The following PLBD1 variants were observed in gnomAD, a reference collection of about 807,000 sequenced individuals.
PLBD1 encodes lysosomal leucine aminopeptidase.
Under a neutral mutation model 63.0 loss-of-function variants are expected in PLBD1, and 60 were observed. That is an observed-to-expected ratio of 0.95 (90% CI 0.77 to 1.18). The LOEUF (loss-of-function observed/expected upper bound fraction) is 1.18, where lower values mean the gene tolerates loss of function less well. Among genes scored for constraint, PLBD1 ranks in the 50% most tolerant of loss-of-function variants. PLBD1 has a pLI of 0.00. For missense variants in PLBD1, 598 were observed against 677.9 expected (o/e 0.88, Z 1.31); for synonymous variants, 262 against 248.0 (o/e 1.06, Z -0.53).
chr12:14,526,425 G>A (rs1945415926), intron 6 of PLBD1, among the ~76,000 whole-genome samples: 1 of 152,082 alleles, frequency 6.6e-6, no homozygotes, highest in South Asian at 2.1e-4. Context: ...AGAAAGACTT[G>A]GTAATGATGG....
At chr12:14,545,139 C>T (rs1945607656) in intron 2 of PLBD1, among the ~76,000 whole-genome samples, 1 of 152,174 alleles carries the variant, frequency 6.6e-6, no homozygotes, top group African/African-American at 2.4e-5. Flanking sequence ...TTGTAAATAA[C>T]TAAACCAGCT....
chr12:14,527,097 A>C (rs1408120517), intron 6 of PLBD1, among the ~76,000 whole-genome samples: 2 of 152,192 alleles, frequency 1.3e-5, no homozygotes, highest in African/African-American at 4.8e-5. Context: ...AATTCCCCAG[A>C]TGATTCTTGG....
intron 8 of PLBD1, among the ~76,000 whole-genome samples, chr12:14,509,183 T>C (rs772753558): frequency 1.3e-5 from 2 of 152,038 alleles, no homozygotes; most frequent in Non-Finnish European, 2.9e-5. Flanking sequence ...TAGAATGCAG[T>C]AGGTACTCTG....
At chr12:14,553,149 C>A (rs1271118641) in intron 2 of PLBD1, 44 bp downstream of exon 2, 2 of 1,512,650 alleles carry the variant, frequency 1.3e-6, no homozygotes, top group Non-Finnish European at 9.0e-7. Context: ...ATGGGAAGGA[C>A]AGGGGTTGCC....
chr12:14,505,303 C>T (rs1203317442), intron 10 of PLBD1, among the ~76,000 whole-genome samples: 1 of 152,070 alleles, frequency 6.6e-6, no homozygotes, highest in East Asian at 1.9e-4. Context: ...AGACAGAATA[C>T]ACACTTTACC....
intron 6 of PLBD1, among the ~76,000 whole-genome samples, chr12:14,532,257 G>T (rs977230531): frequency 6.6e-6 from 1 of 152,128 alleles, no homozygotes; most frequent in Non-Finnish European, 1.5e-5. Context: ...TGCTGCAAAG[G>T]CCCGTTTGTG....
chr12:14,545,408 C>T (rs1022955437), intron 2 of PLBD1, among the ~76,000 whole-genome samples: 1 of 152,352 alleles, frequency 6.6e-6, no homozygotes, highest in Middle Eastern at 3.4e-3. Flanking sequence ...ACTTTGTTTT[C>T]TGTTCAATTT....
At chr12:14,550,450 C>A (rs1233441318) in intron 2 of PLBD1, among the ~76,000 whole-genome samples, 9 of 152,120 alleles carry the variant, frequency 5.9e-5, no homozygotes, top group Non-Finnish European at 1.2e-4. Flanking sequence ...TTATACGTGT[C>A]AACTTTTTTT....
chr12:14,541,267 A>T (rs1305511307), intron 3 of PLBD1, among the ~76,000 whole-genome samples: 1 of 152,204 alleles, frequency 6.6e-6, no homozygotes, highest in African/African-American at 2.4e-5. Flanking sequence ...GATTCACCTT[A>T]CTTTTAGTTG....
intron 6 of PLBD1, among the ~76,000 whole-genome samples, chr12:14,522,866 A>C (rs972231956): frequency 5.3e-5 from 8 of 152,272 alleles, no homozygotes; most frequent in Admixed American, 4.6e-4. Context: ...AATGTAACTC[A>C]ACACAATAAA....
intron 6 of PLBD1, among the ~76,000 whole-genome samples, chr12:14,512,098 C>T (rs960766413): frequency 1.3e-5 from 2 of 151,512 alleles, no homozygotes; most frequent in Non-Finnish European, 2.9e-5. Context: ...AATATAAATG[C>T]CTTTTTTTCT....
intron 5 of PLBD1, chr12:14,536,012 C>G (rs992419467): frequency 2.0e-6 from 1 of 505,042 alleles, no homozygotes; most frequent in Non-Finnish European, 3.4e-6. Flanking sequence ...ATGGAAGACT[C>G]CAGCTGGGCA....
intron 1 of PLBD1, among the ~76,000 whole-genome samples, chr12:14,562,216 T>C (rs1054329509): frequency 2.6e-5 from 4 of 152,126 alleles, no homozygotes; most frequent in Non-Finnish European, 4.4e-5. Context: ...CCCAGCACTT[T>C]GGAGGCCAAG....
In PLBD1 at chr12:14,567,761, T is replaced by C; in HGVS notation, c.-65A>G. On this transcript the variant is annotated 5_prime_UTR_variant, in exon 1 of 11. Coordinates refer to ENST00000240617, the MANE Select transcript of PLBD1 (RefSeq NM_024829.6). Reference sequence around the variant, plus strand: ...CCGCGGTGGCCCGCGGTGGCAGAAGTTGCAAGAGAGGCTCCTGGCCTACTC... The same window carrying C: ...CCGCGGTGGCCCGCGGTGGCAGAAGCTGCAAGAGAGGCTCCTGGCCTACTC... 1 of 1,381,026 alleles carries C rather than the reference T, an allele frequency of 7.2e-7. No individual in the cohort carries two copies. Among genetic ancestry groups the C allele is most frequent in the Non-Finnish European group, 9.3e-7 (1 of 1,078,932 alleles). The allele number at this position is 1,381,026 out of a possible 1,614,324, so 85.5% of individuals were successfully genotyped here. A position where few individuals can be genotyped will look rare whatever the true frequency, so the allele number is the denominator to read the frequency against.
rs75333124 is a variant in PLBD1 at position 14,505,954 on chromosome 12, C to T, written c.1479+208G>A. Among the ~76,000 whole-genome samples the T allele has an allele frequency of 1.4e-3, 211 of 152,252 alleles. 2 individuals carry two copies. The highest frequency in any genetic ancestry group is 4.7e-3 in the African/African-American group (195 of 41,544). On this transcript the variant is annotated intron_variant, in intron 10 of 10. Coordinates refer to ENST00000240617, the MANE Select transcript of PLBD1 (RefSeq NM_024829.6). Reference sequence around the variant, plus strand: ...TACAGATGAGGAAACAGAAACATGACGGAATTATGTGATTTACTACTAAAT... The same window carrying T: ...TACAGATGAGGAAACAGAAACATGATGGAATTATGTGATTTACTACTAAAT...
intron 4 of PLBD1, among the ~76,000 whole-genome samples, chr12:14,539,129 T>C (rs1233821983): frequency 6.6e-6 from 1 of 152,214 alleles, no homozygotes; most frequent in Non-Finnish European, 1.5e-5. Context: ...GTAATTGATA[T>C]TTGCATTTCT....
At chr12:14,543,501 G>A (rs916345838) in intron 2 of PLBD1, among the ~76,000 whole-genome samples, 5 of 152,038 alleles carry the variant, frequency 3.3e-5, no homozygotes, top group African/African-American at 9.7e-5. Flanking sequence ...GGCAGATCAC[G>A]AGGTCAGGAG....
chr12:14,519,734 C>G (rs1018136378), intron 6 of PLBD1, among the ~76,000 whole-genome samples: 1 of 151,962 alleles, frequency 6.6e-6, no homozygotes, highest in African/African-American at 2.4e-5. Flanking sequence ...ATAAACCAAA[C>G]CTGTCAATAT....
chr12:14,553,626 T>C (rs1945678090), intron 1 of PLBD1: 7 of 594,304 alleles, frequency 1.2e-5, no homozygotes, highest in Non-Finnish European at 1.8e-5. Flanking sequence ...AAGAGCAAGG[T>C]CAAAGGTGGG....
Sources: gnomAD v4.1 joint callset for allele counts (sites outside exome capture counted in the v4.1 genomes callset) on GRCh38, gnomAD v4.1.1 for gene constraint, MANE v1.5 for transcripts, NCBI Gene and HGNC (gene_info 2026-07-23, HGNC 2026-07-21) for gene names.